Variants in COL4A1 observed in about 807,000 individuals in gnomAD.
COL4A1 encodes the protein collagen alpha-1(IV) chain.
Under a neutral mutation model 216.6 loss-of-function variants are expected in COL4A1, and 40 were observed. That is an observed-to-expected ratio of 0.18 (90% CI 0.14 to 0.24). COL4A1 has a LOEUF of 0.24. COL4A1 is among the 10% of genes least tolerant of loss of function. COL4A1 has a pLI of 1.00. For missense variants in COL4A1, 1,628 were observed against 2,196.8 expected, an observed-to-expected ratio of 0.74 and a Z score of 5.18; for synonymous variants, 839 against 810.7, an observed-to-expected ratio of 1.03 and a Z score of -0.59.
Position 110,183,039 on chromosome 13 carries a change from A to G in COL4A1, c.2049T>C (p.Ala683=), listed in dbSNP as rs766844993. 1 of 1,613,402 alleles carries G rather than the reference A, an allele frequency of 6.2e-7. No individual in the cohort carries two copies. Among genetic ancestry groups the G allele is most frequent in the East Asian group, 2.2e-5 (1 of 44,872 alleles). ...GRPGLPGEKG[A]VGQPGIGFPG... ...GAAATCCAATGCCTGGCTGGCCCAC[A>G]GCGCCCTTCTCTCCTGGCAGGCCTG... The change falls in exon 28 of 52, where the codon GCT becomes GCC. Residue 683 remains alanine (A), a synonymous_variant. Transcript: ENST00000375820.
chr13:110,258,748 G>A (rs1172669633), intron 1 of COL4A1, among the ~76,000 whole-genome samples: 1 of 152,158 alleles, frequency 6.6e-6, no homozygotes, highest in Non-Finnish European at 1.5e-5. Flanking sequence ...TTTAACTAGA[G>A]CTCTTGGTAG....
intron 6 of COL4A1, among the ~76,000 whole-genome samples, chr13:110,212,201 TA>T (rs1879835551): frequency 6.6e-6 from 1 of 152,180 alleles, no homozygotes; most frequent in Non-Finnish European, 1.5e-5. Context: ...AATTTTAGGA[TA>T]AAAGTCTACA....
intron 29 of COL4A1, among the ~76,000 whole-genome samples, chr13:110,180,642 A>G (rs1049741936): frequency 6.6e-6 from 1 of 152,280 alleles, no homozygotes; most frequent in Non-Finnish European, 1.5e-5. Context: ...ACATTTGCTG[A>G]GCAGAATTTC....
intron 1 of COL4A1, among the ~76,000 whole-genome samples, chr13:110,281,526 A>G (rs1287022749): frequency 5.9e-5 from 9 of 152,164 alleles, no homozygotes; most frequent in Non-Finnish European, 1.3e-4. Context: ...TAGAGAGAAA[A>G]TGTTTAAAAA....
intron 1 of COL4A1, chr13:110,305,703 GATGTAATCATTAGTCCTTTCAA>G (rs1184096094): frequency 6.6e-6 from 1 of 152,260 alleles, no homozygotes; most frequent in Non-Finnish European, 1.5e-5. Flanking sequence ...GTTAATTGCT[GATGTAATCATTAGTCCTTTCAA>G]TACCCAGTGG....
chr13:110,240,986 C>T (rs1327701917), intron 2 of COL4A1, among the ~76,000 whole-genome samples: 2 of 152,192 alleles, frequency 1.3e-5, no homozygotes, highest in East Asian at 3.9e-4. Flanking sequence ...TCTCCTGTCT[C>T]AACCTCCTGA....
In COL4A1 at chr13:110,195,097, G is replaced by A; in HGVS notation, c.1307C>T (p.Pro436Leu). The part of the protein sequence containing the change: ...GYTNGIVECQ[P>L]GPPGDQGPPG... ...AGGACCCTGGTCACCTGGAGGTCCG[G>A]GCTGACATTCCACAATTCCATCTGA... Residue 436 changes from proline (P) to leucine (L), a missense_variant, in exon 22 of 52, where the codon CCC (proline) becomes CTC (leucine). Coordinates refer to ENST00000375820, the MANE Select transcript of COL4A1 (RefSeq NM_001845.6). 1 of 1,614,106 alleles carries A rather than the reference G, an allele frequency of 6.2e-7. No individual in the cohort carries two copies.
In COL4A1 at chr13:110,163,068, G is replaced by C. The variant is rs112366988; in HGVS notation, c.4249+395C>G. 3.1e-3 allele frequency among the ~76,000 whole-genome samples: 478 copies of C among 152,356 alleles called. 17 individuals are homozygous for C. In the East Asian group the frequency reaches 0.077, roughly 25 times the overall value. ...TAGCCTTCACCGGACACTCGAGTGT[G>C]CCTTCTCCTAAGGAAGCAGATCAAG... On this transcript the variant is annotated intron_variant, in intron 47 of 51. Coordinates refer to ENST00000375820, the MANE Select transcript of COL4A1 (RefSeq NM_001845.6).
At position 110,172,876 on chromosome 13, in the gene COL4A1, G is replaced by T. The variant is rs1212132605; in HGVS notation, c.3506-106C>A. On this transcript the variant is annotated intron_variant, in intron 40 of 51. Coordinates refer to ENST00000375820, the MANE Select transcript of COL4A1 (RefSeq NM_001845.6). ...CTGCAATAATACTACGTATATTGTG[G>T]AGTACATAGATATTAGTTAATTGCA... 5.6e-6 allele frequency: 5 copies of T among 898,632 alleles called. No homozygotes were observed. In the East Asian group the frequency reaches 1.2e-4, roughly 22 times the overall value. 55.7% of individuals were successfully genotyped at this position (898,632 alleles called of 1,614,324 possible).
chr13:110,219,816 ATGTATATATATGTATG>A lies in COL4A1; in HGVS notation c.145-5817_145-5802del, dbSNP rs1349398636. 3.6e-3 allele frequency among the ~76,000 whole-genome samples: 485 copies of A among 133,252 alleles called. 6 individuals are homozygous for A. Among genetic ancestry groups the A allele is most frequent in the African/African-American group, 0.012 (437 of 35,646 alleles). The allele number at this position is 133,252 out of a possible 152,430, so 87.4% of individuals were successfully genotyped here. On this transcript the variant is annotated intron_variant, in intron 2 of 51. Coordinates refer to ENST00000375820, the MANE Select transcript of COL4A1 (RefSeq NM_001845.6). ...TGTATATATGTATATATGTGTATAT[ATGTATATATATGTATG>A]TATGTATATATGTGTATATATATGT... is the stretch of plus-strand genomic sequence containing the variant.
At chr13:110,273,354 G>T (rs1883314548) in intron 1 of COL4A1, among the ~76,000 whole-genome samples, 1 of 152,218 alleles carries the variant, frequency 6.6e-6, no homozygotes, top group Non-Finnish European at 1.5e-5. Context: ...TGTCAAAAAG[G>T]CTCTGTTAGT....
chr13:110,228,840 A>T (rs1005798911), intron 2 of COL4A1, among the ~76,000 whole-genome samples: 1 of 152,254 alleles, frequency 6.6e-6, no homozygotes, highest in African/African-American at 2.4e-5. Context: ...ATGCCCAGAT[A>T]AAATGATTTT....
intron 1 of COL4A1, among the ~76,000 whole-genome samples, chr13:110,281,577 C>T (rs905717731): frequency 3.3e-5 from 5 of 152,068 alleles, no homozygotes; most frequent in Non-Finnish European, 7.3e-5. Flanking sequence ...GGGGCTCACA[C>T]AGAAACTCAA....
chr13:110,298,274 A>G (rs2139320058), intron 1 of COL4A1, among the ~76,000 whole-genome samples: 1 of 152,364 alleles, frequency 6.6e-6, no homozygotes, highest in South Asian at 2.1e-4. Context: ...AGGCTTTAAC[A>G]ATTGATAAAA....
chr13:110,249,325 T>C (rs1188391890), intron 1 of COL4A1, among the ~76,000 whole-genome samples: 2 of 152,120 alleles, frequency 1.3e-5, no homozygotes, highest in Non-Finnish European at 2.9e-5. Context: ...CACTTTGTTG[T>C]ATTTCAATAA....
At chr13:110,273,217 G>A (rs61963357) in intron 1 of COL4A1, among the ~76,000 whole-genome samples, 20,939 of 152,138 alleles carry the variant, frequency 0.14, 1,903 homozygotes, top group Non-Finnish European at 0.19. Flanking sequence ...TGTAACTGTC[G>A]GTCACTGTTG....
intron 42 of COL4A1, among the ~76,000 whole-genome samples, chr13:110,170,194 C>T (rs984592389): frequency 2.6e-5 from 4 of 151,616 alleles, no homozygotes; most frequent in Admixed American, 6.6e-5. Context: ...AAATGGCCTG[C>T]GGTCAGTGGT....
chr13:110,231,260 C>T (rs1881048038), intron 2 of COL4A1, among the ~76,000 whole-genome samples: 1 of 152,186 alleles, frequency 6.6e-6, no homozygotes, highest in African/African-American at 2.4e-5. Flanking sequence ...GAGATGTGTC[C>T]TTTAACATTC....
intron 1 of COL4A1, chr13:110,265,911 T>A (rs950732711): frequency 4.1e-4 from 62 of 151,942 alleles, no homozygotes; most frequent in African/African-American, 1.3e-3. Context: ...CCTGCGCATC[T>A]CCCCAGACTC....
Sources: gnomAD v4.1 joint callset for allele counts (sites outside exome capture counted in the v4.1 genomes callset) on GRCh38, gnomAD v4.1.1 for gene constraint, MANE v1.5 for transcripts, NCBI Gene and HGNC (gene_info 2026-07-23, HGNC 2026-07-21) for gene names.